GABBR2: variants seen among roughly 807,000 people sequenced by gnomAD.
GABBR2 encodes the protein G-protein coupled receptor 51.
Under a neutral mutation model 105.6 loss-of-function variants are expected in GABBR2, and 23 were observed. The ratio of observed to expected loss-of-function variants is 0.22; its 90% confidence interval spans 0.16 to 0.31. The LOEUF (loss-of-function observed/expected upper bound fraction) is 0.31, where lower values mean the gene tolerates loss of function less well. GABBR2 is among the 10% of genes least tolerant of loss of function. The probability of loss-of-function intolerance (pLI) is 1.00; values close to 1 mark genes in which losing one functional copy is unlikely to be tolerated. For synonymous variants in GABBR2, 478 were observed against 499.7 expected (o/e 0.96, Z 0.58); for missense variants, 734 against 1,245.5 (o/e 0.59, Z 6.18).
chr9:98,642,638 A>T (rs1293694080), intron 1 of GABBR2, among the ~76,000 whole-genome samples: 1 of 152,172 alleles, frequency 6.6e-6, no homozygotes, highest in Non-Finnish European at 1.5e-5. Context: ...TATGAGTGAG[A>T]CATCATATTA....
chr9:98,472,696 T>C lies in GABBR2; in HGVS notation c.999+450A>G, dbSNP rs183208833. ...AGGTTCAAGGTCACACAGGTGGTAG[T>C]GGTAAAATTGGGGTTTGACGCAGTC... is the stretch of plus-strand genomic sequence containing the variant. On this transcript the variant is annotated intron_variant, in intron 6 of 18. Coordinates refer to ENST00000259455, the MANE Select transcript of GABBR2 (RefSeq NM_005458.8). Among the ~76,000 whole-genome samples the C allele has an allele frequency of 4.6e-5, 7 of 152,186 alleles. No homozygotes were observed. The East Asian group carries it at 1.4e-3, about 30-fold the overall frequency.
At chr9:98,374,847 C>T (rs772088542) in intron 11 of GABBR2, among the ~76,000 whole-genome samples, 81 of 152,108 alleles carry the variant, frequency 5.3e-4, no homozygotes, top group African/African-American at 1.7e-3. Context: ...GTCATAGCTG[C>T]GAGTATGACT....
At chr9:98,374,074 G>A (rs545872234) in intron 11 of GABBR2, among the ~76,000 whole-genome samples, 2 of 152,104 alleles carry the variant, frequency 1.3e-5, no homozygotes, top group African/African-American at 4.8e-5. Flanking sequence ...GCCCAGGCTG[G>A]TCTTGAACCC....
intron 13 of GABBR2, among the ~76,000 whole-genome samples, chr9:98,359,748 C>T (rs1356396601): frequency 2.0e-5 from 3 of 152,218 alleles, no homozygotes; most frequent in Non-Finnish European, 4.4e-5. Flanking sequence ...CTACCTGTGT[C>T]TTCCCATGGA....
chr9:98,417,016 CG>C (rs1564059945), intron 7 of GABBR2, among the ~76,000 whole-genome samples: 1 of 151,976 alleles, frequency 6.6e-6, no homozygotes, highest in African/African-American at 2.4e-5. Flanking sequence ...TCTTTGGCAA[CG>C]GCAATGCTCC....
chr9:98,664,152 G>A (rs899013339), intron 1 of GABBR2, among the ~76,000 whole-genome samples: 12 of 152,206 alleles, frequency 7.9e-5, no homozygotes, highest in African/African-American at 2.7e-4. Flanking sequence ...CATCAGAGTT[G>A]AGCAAGGCCG....
At position 98,548,237 on chromosome 9, in the gene GABBR2, G is replaced by A. The variant is rs1564110882; in HGVS notation, c.460-6194C>T. Among the ~76,000 whole-genome samples, 2 of 121,090 alleles carry A rather than the reference G, an allele frequency of 1.7e-5. 1 individual carries two copies. Among genetic ancestry groups the A allele is most frequent in the African/African-American group, 5.3e-5 (2 of 37,800 alleles). 79.4% of individuals were successfully genotyped at this position (121,090 alleles called of 152,430 possible). ...CAAGAGACACATGTGGACGGCACTT[G>A]GCCCTGTTTTCTATTTACGTTTTAA... On this transcript the variant is annotated intron_variant, in intron 2 of 18. Coordinates refer to ENST00000259455, the MANE Select transcript of GABBR2 (RefSeq NM_005458.8).
At chr9:98,410,120 A>ATTTTTTT (rs564055730) in intron 7 of GABBR2, among the ~76,000 whole-genome samples, 2 of 147,348 alleles carry the variant, frequency 1.4e-5, no homozygotes, top group African/African-American at 2.5e-5. Flanking sequence ...TTGAGCTGGA[A>ATTTTTTT]TTTTTTTTTT....
chr9:98,493,694 C>G (rs1393847131), intron 4 of GABBR2, among the ~76,000 whole-genome samples: 1 of 152,208 alleles, frequency 6.6e-6, no homozygotes, highest in Non-Finnish European at 1.5e-5. Context: ...AAATCAGAAA[C>G]TTGCTTTTCC....
chr9:98,533,083 G>T (rs1322321847), intron 3 of GABBR2, among the ~76,000 whole-genome samples: 1 of 152,178 alleles, frequency 6.6e-6, no homozygotes, highest in African/African-American at 2.4e-5. Flanking sequence ...GGCATGACCT[G>T]AGTGGAATTC....
chr9:98,545,637 CTCAG>C (rs1828384081), intron 2 of GABBR2, among the ~76,000 whole-genome samples: 1 of 152,196 alleles, frequency 6.6e-6, no homozygotes, highest in Non-Finnish European at 1.5e-5. Context: ...GATTATGATG[CTCAG>C]TGAGGGTTGA....
chr9:98,431,224 C>G (rs1188071786), intron 7 of GABBR2, among the ~76,000 whole-genome samples: 1 of 152,142 alleles, frequency 6.6e-6, no homozygotes, highest in Non-Finnish European at 1.5e-5. Flanking sequence ...GGTAGCATTT[C>G]CAATCCTCCT....
chr9:98,680,366 C>T (rs1830528233), intron 1 of GABBR2, among the ~76,000 whole-genome samples: 1 of 152,046 alleles, frequency 6.6e-6, no homozygotes, highest in Admixed American at 6.5e-5. Context: ...AGTGCAGTGG[C>T]ACGATCTCGG....
At chr9:98,333,974 G>A (rs1222767596) in intron 13 of GABBR2, among the ~76,000 whole-genome samples, 2 of 152,236 alleles carry the variant, frequency 1.3e-5, no homozygotes, top group African/African-American at 2.4e-5. Context: ...AAGACTGAAT[G>A]AGTTGATAAA....
At chr9:98,641,888 G>C (rs1413849510) in intron 1 of GABBR2, among the ~76,000 whole-genome samples, 1 of 152,186 alleles carries the variant, frequency 6.6e-6, no homozygotes, top group African/African-American at 2.4e-5. Context: ...CCTGAGCCTG[G>C]CTCCATGTTA....
chr9:98,349,227 A>G lies in GABBR2; in HGVS notation c.1893+13488T>C, dbSNP rs1389081731. Among the ~76,000 whole-genome samples the G allele has an allele frequency of 2.6e-5, 4 of 151,500 alleles. No individual in the cohort carries two copies. The East Asian group carries it at 7.7e-4, about 29-fold the overall frequency. ...TCATTCTCTTAATGCAATATATTAC[A>G]TTTATTGATCTGTTTACGTTGAATC... On this transcript the variant is annotated intron_variant, in intron 13 of 18. Transcript: ENST00000259455.
At chr9:98,300,907 G>T (rs1830458596) in intron 16 of GABBR2, among the ~76,000 whole-genome samples, 1 of 152,190 alleles carries the variant, frequency 6.6e-6, no homozygotes, top group Non-Finnish European at 1.5e-5. Context: ...CTACACAGTT[G>T]TCAGTCATGC....
intron 1 of GABBR2, among the ~76,000 whole-genome samples, chr9:98,664,752 C>A (rs1287134745): frequency 6.6e-6 from 1 of 152,054 alleles, no homozygotes; most frequent in Non-Finnish European, 1.5e-5. Flanking sequence ...CTAGACAAAC[C>A]CTCCAAAGAT....
chr9:98,631,678 T>A (rs990947160), intron 1 of GABBR2, among the ~76,000 whole-genome samples: 1 of 152,226 alleles, frequency 6.6e-6, no homozygotes, highest in Non-Finnish European at 1.5e-5. Context: ...CTCTAACTCA[T>A]CTCCCTCCCA....
Sources: gnomAD v4.1 joint callset for allele counts (sites outside exome capture counted in the v4.1 genomes callset) on GRCh38, gnomAD v4.1.1 for gene constraint, MANE v1.5 for transcripts, NCBI Gene and HGNC (gene_info 2026-07-23, HGNC 2026-07-21) for gene names.